DMD: variants seen among roughly 807,000 people sequenced by gnomAD.
DMD encodes mutant dystrophin.
DMD carries 63 observed loss-of-function variants against 330.1 expected under a neutral mutation model. The ratio of observed to expected loss-of-function variants is 0.19; its 90% CI spans 0.16 to 0.24. DMD has a LOEUF of 0.24. Ranked by LOEUF, DMD falls within the 10% of genes least tolerant of loss-of-function variation. The pLI is 1.00. For missense variants in DMD, 3,344 were observed against 2,684.1 expected, an observed-to-expected ratio of 1.25 and a Z score of -5.43; for synonymous variants, 1,223 against 959.8, an observed-to-expected ratio of 1.27 and a Z score of -5.07.
At chrX:32,135,719 C>CA (rs1195439169) in intron 44 of DMD, among the ~76,000 whole-genome samples, 1 of 111,928 alleles carries the variant, frequency 8.9e-6, no homozygotes, top group Non-Finnish European at 1.9e-5. Context: ...GACTTTGTCT[C>CA]AAAAAAATGT....
chrX:32,401,089 C>A (rs1289848159), intron 30 of DMD, among the ~76,000 whole-genome samples: 1 of 106,383 alleles, frequency 9.4e-6, no homozygotes, highest in Non-Finnish European at 1.9e-5. Context: ...GGACAAAAAA[C>A]CAAACACTGC....
chrX:31,473,721 A>AAAAAAAAAAAAGG (rs1273331431), intron 59 of DMD, among the ~76,000 whole-genome samples: 1 of 96,201 alleles, frequency 1.0e-5, no homozygotes, highest in East Asian at 3.7e-4. Flanking sequence ...CAAAAAAAAA[A>AAAAAAAAAAAAGG]AAAAAAAGAA....
intron 12 of DMD, among the ~76,000 whole-genome samples, chrX:32,605,712 C>A (rs189385911): frequency 9.0e-6 from 1 of 110,641 alleles, no homozygotes; most frequent in African/African-American, 3.3e-5. Flanking sequence ...AAATAGATAA[C>A]CCCATTAAAA....
In DMD at chrX:31,315,214, ATATTC is replaced by A. The variant is rs1451299102; in HGVS notation, c.9224+8379_9224+8383del. On this transcript the variant is annotated intron_variant, in intron 62 of 78. Transcript: ENST00000357033. Reference sequence around the variant, plus strand: ...TAGGGACATATTTGGGTTCTAGAAAATATTCTAAAAATGCAGCTCACACTGGGGCT... The same window carrying A: ...TAGGGACATATTTGGGTTCTAGAAAATAAAAATGCAGCTCACACTGGGGCT... Among the ~76,000 whole-genome samples the A allele has an allele frequency of 2.7e-5, 3 of 112,089 alleles. No individual in the cohort carries two copies. In the East Asian group the frequency reaches 8.3e-4, roughly 31 times the overall value.
intron 64 of DMD, among the ~76,000 whole-genome samples, chrX:31,215,028 G>A (rs1454344982): frequency 2.3e-5 from 2 of 85,648 alleles, no homozygotes; most frequent in African/African-American, 9.0e-5. Flanking sequence ...TGCAAGCTCC[G>A]CCTCCCAGGT....
At chrX:32,234,741 T>C (rs2097181374) in intron 43 of DMD, among the ~76,000 whole-genome samples, 1 of 112,069 alleles carries the variant, frequency 8.9e-6, no homozygotes. Context: ...TCACCTTAAA[T>C]ACCTCAATAT....
intron 2 of DMD, among the ~76,000 whole-genome samples, chrX:32,852,113 C>T (rs2081184328): frequency 9.0e-6 from 1 of 111,728 alleles, no homozygotes; most frequent in South Asian, 3.8e-4. Flanking sequence ...GTGCAGCTGA[C>T]AGCTTTGAGA....
chrX:32,885,276 A>T (rs2084406921), intron 2 of DMD, among the ~76,000 whole-genome samples: 1 of 111,481 alleles, frequency 9.0e-6, no homozygotes, highest in South Asian at 3.8e-4. Context: ...CTGTGGTGTT[A>T]TCTTTGATTT....
intron 59 of DMD, among the ~76,000 whole-genome samples, chrX:31,476,414 TATATATAC>T: frequency 2.0e-5 from 2 of 98,283 alleles, no homozygotes; most frequent in African/African-American, 3.8e-5. Flanking sequence ...TATATATATA[TATATATAC>T]ACACACACAC....
At chrX:32,620,758 G>C (rs1368536952) in intron 11 of DMD, among the ~76,000 whole-genome samples, 1 of 111,593 alleles carries the variant, frequency 9.0e-6, no homozygotes. Context: ...ATTTCAAGTA[G>C]CTTAGAGACT....
chrX:31,918,900 G>A (rs1431677135), intron 47 of DMD, among the ~76,000 whole-genome samples: 2 of 111,976 alleles, frequency 1.8e-5, no homozygotes, highest in East Asian at 5.6e-4. Context: ...GCCTCCCAAA[G>A]TGCTGGGATT....
At chrX:32,975,475 A>G (rs2092522477) in intron 2 of DMD, among the ~76,000 whole-genome samples, 1 of 105,854 alleles carries the variant, frequency 9.4e-6, no homozygotes, top group Admixed American at 1.0e-4. Flanking sequence ...GGACAAGTAG[A>G]TAGGGAGGAG....
intron 60 of DMD, among the ~76,000 whole-genome samples, chrX:31,413,296 G>A (rs995128090): frequency 7.1e-5 from 8 of 112,181 alleles, no homozygotes; most frequent in African/African-American, 1.9e-4. Flanking sequence ...CATATAAAGC[G>A]CCACAAAGTC....
intron 43 of DMD, among the ~76,000 whole-genome samples, chrX:32,246,780 G>A (rs1010415872): frequency 9.1e-6 from 1 of 110,219 alleles, no homozygotes; most frequent in Non-Finnish European, 1.9e-5. Context: ...TCTGACGGTA[G>A]TTTGTATTTC....
At chrX:32,517,860 G>A in intron 18 of DMD, 148 bp downstream of exon 18, 1 of 653,325 alleles carries the variant, frequency 1.5e-6, no homozygotes, top group Admixed American at 3.0e-5. Flanking sequence ...GATTTTGCTT[G>A]CTATCTAAAA....
chrX:31,490,422 T>A (rs1318132328), intron 57 of DMD, among the ~76,000 whole-genome samples: 1 of 110,421 alleles, frequency 9.1e-6, no homozygotes, highest in Non-Finnish European at 1.9e-5. Flanking sequence ...ATTAGCCAGG[T>A]GTGGTGGTGG....
Position 32,721,080 on chromosome X carries a change from G to A in DMD, c.650-21787C>T, listed in dbSNP as rs187656536. On this transcript the variant is annotated intron_variant, in intron 7 of 78. Transcript: ENST00000357033. ...AGGCTGAATATTTGTGTGTGTGTGT[G>A]TGTGTGTCACAATTTCTTTATCTGT... Among the ~76,000 whole-genome samples the A allele has an allele frequency of 6.4e-3, 708 of 111,279 alleles. 8 individuals are homozygous for A. The highest frequency in any genetic ancestry group is 0.022 in the African/African-American group (664 of 30,668).
intron 44 of DMD, among the ~76,000 whole-genome samples, chrX:32,157,603 G>C (rs398124018): frequency 3.6e-5 from 4 of 112,279 alleles, no homozygotes; most frequent in African/African-American, 1.3e-4. Flanking sequence ...ATCAGGCTTG[G>C]CAGATGCAAA....
intron 25 of DMD, among the ~76,000 whole-genome samples, chrX:32,461,076 C>T (rs1391584774): frequency 1.8e-5 from 2 of 111,514 alleles, no homozygotes; most frequent in Admixed American, 9.6e-5. Flanking sequence ...GATGTGAAAG[C>T]ATCTTCAAAT....
Sources: gnomAD v4.1 joint callset for allele counts (sites outside exome capture counted in the v4.1 genomes callset) on GRCh38, gnomAD v4.1.1 for gene constraint, MANE v1.5 for transcripts, NCBI Gene and HGNC (gene_info 2026-07-23, HGNC 2026-07-21) for gene names.